CCDC91: variants seen among roughly 807,000 people sequenced by gnomAD.
The protein encoded by CCDC91 is coiled-coil domain-containing protein 91.
Under a neutral mutation model 63.2 loss-of-function variants are expected in CCDC91, and 48 were observed. The observed-to-expected ratio is 0.76, with a 90% CI of 0.60 to 0.97. The LOEUF is 0.97. Among genes scored for constraint, CCDC91 ranks in the 50% least tolerant of loss-of-function variants. The probability of loss-of-function intolerance (pLI) is 0.00; values close to 1 mark genes in which losing one functional copy is unlikely to be tolerated. For synonymous variants in CCDC91, 167 were observed against 165.8 expected (o/e 1.01, Z -0.06); for missense variants, 500 against 494.6 (o/e 1.01, Z -0.10).
At chr12:28,447,952 A>AG (rs1384463656) in intron 8 of CCDC91, among the ~76,000 whole-genome samples, 1 of 151,982 alleles carries the variant, frequency 6.6e-6, no homozygotes, top group Non-Finnish European at 1.5e-5. Context: ...TTTTAATAAT[A>AG]GTAGTAGTCT....
At chr12:28,336,787 A>G (rs1942015232) in intron 6 of CCDC91, among the ~76,000 whole-genome samples, 1 of 152,140 alleles carries the variant, frequency 6.6e-6, no homozygotes, top group Non-Finnish European at 1.5e-5. Flanking sequence ...CTAATGTAAT[A>G]TTCCCATTCC....
chr12:28,417,731 T>C (rs1208818031), intron 8 of CCDC91, among the ~76,000 whole-genome samples: 1 of 151,968 alleles, frequency 6.6e-6, no homozygotes. Flanking sequence ...TTTTTATGTG[T>C]GTGGTGAAAA....
At chr12:28,425,274 T>G (rs1948245246) in intron 8 of CCDC91, among the ~76,000 whole-genome samples, 1 of 152,138 alleles carries the variant, frequency 6.6e-6, no homozygotes, top group African/African-American at 2.4e-5. Context: ...TCTGAGGCCT[T>G]TGGCAGAGGT....
At chr12:28,482,682 C>G (rs1324351032) in intron 11 of CCDC91, among the ~76,000 whole-genome samples, 1 of 151,816 alleles carries the variant, frequency 6.6e-6, no homozygotes, top group Non-Finnish European at 1.5e-5. Flanking sequence ...AAGAAACTAG[C>G]CATTCCTATG....
chr12:28,308,134 CTTAT>C (rs1375233157), intron 6 of CCDC91, among the ~76,000 whole-genome samples: 2 of 151,864 alleles, frequency 1.3e-5, no homozygotes, highest in African/African-American at 2.4e-5. Context: ...CCTAAATTTT[CTTAT>C]TTATTTCTTC....
intron 6 of CCDC91, among the ~76,000 whole-genome samples, chr12:28,357,827 G>A (rs562473439): frequency 2.0e-5 from 3 of 152,190 alleles, no homozygotes; most frequent in Non-Finnish European, 4.4e-5. Flanking sequence ...TTTATTTAAG[G>A]TGAGGATATT....
rs1592042557 is a variant in CCDC91 at position 28,227,236 on chromosome 12, A to G, written c.-14-29966A>G. On this transcript the variant is annotated intron_variant, in intron 1 of 12. Transcript: ENST00000536442. ...ATTCTGTATTGTACTCTTTGCAACA[A>G]AGTCACTATGTGCAGACCACACTTG... is the stretch of plus-strand genomic sequence containing the variant. Among the ~76,000 whole-genome samples, 4 of 152,222 alleles carry G rather than the reference A, an allele frequency of 2.6e-5. No individual in the cohort carries two copies. The East Asian group carries it at 5.8e-4, about 22-fold the overall frequency.
At chr12:28,293,314 A>C (rs1949358245) in intron 3 of CCDC91, among the ~76,000 whole-genome samples, 1 of 152,204 alleles carries the variant, frequency 6.6e-6, no homozygotes. Flanking sequence ...AGGTTCAAAG[A>C]AAGAGAAGAA....
chr12:28,408,206 C>G (rs1203713253), intron 8 of CCDC91, among the ~76,000 whole-genome samples: 1 of 152,084 alleles, frequency 6.6e-6, no homozygotes, highest in African/African-American at 2.4e-5. Flanking sequence ...CATTGTTCAA[C>G]TCCCATTTAT....
At position 28,292,249 on chromosome 12, in the gene CCDC91, G is replaced by A. The variant is rs377281434; in HGVS notation, c.110-13400G>A. On this transcript the variant is annotated intron_variant, in intron 3 of 12. Transcript: ENST00000536442. The stretch of plus-strand genomic sequence containing the variant: ...AGAATGTGTTCCAACATCAAACAGC[G>A]AATTCCAACAATGCAAAAACTGCAG... Among the ~76,000 whole-genome samples the A allele has an allele frequency of 1.4e-4, 22 of 152,250 alleles. 1 individual carries two copies. The South Asian group carries it at 1.7e-3, about 11-fold the overall frequency.
chr12:28,467,315 C>T (rs1950595923), intron 11 of CCDC91, among the ~76,000 whole-genome samples: 1 of 151,968 alleles, frequency 6.6e-6, no homozygotes, highest in South Asian at 2.1e-4. Flanking sequence ...GCAGGAGTAG[C>T]TATGCTTAGA....
chr12:28,281,700 A>G (rs1464044431), intron 3 of CCDC91, among the ~76,000 whole-genome samples: 1 of 152,166 alleles, frequency 6.6e-6, no homozygotes, highest in South Asian at 2.1e-4. Flanking sequence ...TTAGTCTGCC[A>G]TTAGCAACAG....
chr12:28,347,005 AGG>A (rs1380803768), intron 6 of CCDC91, among the ~76,000 whole-genome samples: 1 of 152,248 alleles, frequency 6.6e-6, no homozygotes, highest in African/African-American at 2.4e-5. Context: ...GTTATGAGCT[AGG>A]AACTGGCAGT....
chr12:28,282,233 T>G (rs1403076632), intron 3 of CCDC91, among the ~76,000 whole-genome samples: 1 of 152,170 alleles, frequency 6.6e-6, no homozygotes, highest in Admixed American at 6.5e-5. Context: ...TTACTCCAAG[T>G]TAAATCTAAT....
At chr12:28,317,289 T>A (rs575810425) in intron 6 of CCDC91, among the ~76,000 whole-genome samples, 65 of 152,174 alleles carry the variant, frequency 4.3e-4, no homozygotes, top group African/African-American at 1.5e-3. Context: ...AAAGCTATAC[T>A]ATTGTTAATA....
chr12:28,502,021 T>C (rs533841003), intron 12 of CCDC91, among the ~76,000 whole-genome samples: 9 of 152,186 alleles, frequency 5.9e-5, no homozygotes, highest in African/African-American at 2.2e-4. Context: ...TCTCTGATGG[T>C]AGTTTGTATT....
intron 8 of CCDC91, among the ~76,000 whole-genome samples, chr12:28,410,179 A>G (rs1034757438): frequency 6.6e-5 from 10 of 152,066 alleles, no homozygotes; most frequent in Admixed American, 1.3e-4. Context: ...TGCTCTGATT[A>G]TTTTTTGAGT....
chr12:28,344,480 A>G (rs1004037210), intron 6 of CCDC91, among the ~76,000 whole-genome samples: 1 of 152,098 alleles, frequency 6.6e-6, no homozygotes, highest in African/African-American at 2.4e-5. Flanking sequence ...GATTTATTTC[A>G]TATGTGTCAT....
At chr12:28,537,280 A>G (rs564973940) in intron 12 of CCDC91, among the ~76,000 whole-genome samples, 172 of 152,292 alleles carry the variant, frequency 1.1e-3, no homozygotes, top group African/African-American at 3.8e-3. Context: ...TCTTTCGTAC[A>G]TATATGTTCA....
Sources: allele counts gnomAD v4.1 joint callset (sites outside exome capture counted in the v4.1 genomes callset), GRCh38; gene constraint gnomAD v4.1.1; transcripts MANE v1.5; gene names NCBI Gene and HGNC (gene_info 2026-07-23, HGNC 2026-07-21).